Variants in PLCB4 observed in about 807,000 individuals in gnomAD.
The protein encoded by PLCB4 is 1-phosphatidylinositol 4,5-bisphosphate phosphodiesterase beta-4.
Under a neutral mutation model 178.8 loss-of-function variants are expected in PLCB4, and 77 were observed. The observed-to-expected ratio is 0.43, with a 90% CI of 0.36 to 0.52. PLCB4 has a LOEUF of 0.52. Ranked by LOEUF, PLCB4 falls within the 20% of genes least tolerant of loss-of-function variation. The pLI is 0.00. For synonymous variants in PLCB4, 496 were observed against 490.8 expected (o/e 1.01, Z -0.14); for missense variants, 1,024 against 1,453.4 (o/e 0.70, Z 4.80).
At chr20:9,273,539 A>G (rs973026506) in intron 3 of PLCB4, among the ~76,000 whole-genome samples, 7 of 152,018 alleles carry the variant, frequency 4.6e-5, no homozygotes, top group African/African-American at 1.4e-4. Flanking sequence ...TGGGTTAGAG[A>G]AGGGTCCCAG....
chr20:9,203,040 TAA>T lies in PLCB4; in HGVS notation c.-78-14334_-78-14333del, dbSNP rs58109957. ...CAGATGGTTGACCAGTTGTCTTTGG[TAA>T]AAAAAAAAAAAAAAATATATATATA... On this transcript the variant is annotated intron_variant, in intron 2 of 39. Transcript: ENST00000378473. Among the ~76,000 whole-genome samples, 515 of 111,478 alleles carry T rather than the reference TAA, an allele frequency of 4.6e-3. 2 individuals are homozygous for T. The highest frequency in any genetic ancestry group is 9.0e-3 in the Admixed American group (97 of 10,770). The allele number at this position is 111,478 out of a possible 152,430, so 73.1% of individuals were successfully genotyped here. A position where few individuals can be genotyped will look rare whatever the true frequency, so the allele number is the denominator to read the frequency against.
At chr20:9,448,165 C>G (rs1037090420) in intron 32 of PLCB4, among the ~76,000 whole-genome samples, 1 of 152,164 alleles carries the variant, frequency 6.6e-6, no homozygotes, top group African/African-American at 2.4e-5. Context: ...AGAAACCCCA[C>G]TAATCGCCTG....
intron 22 of PLCB4, 111 bp downstream of exon 22, chr20:9,408,169 TC>T (rs1405377517): frequency 2.3e-6 from 2 of 857,798 alleles, no homozygotes; most frequent in African/African-American, 3.4e-5. Flanking sequence ...TGGGGGCTGT[TC>T]CACCTCACCT....
At chr20:9,371,132 C>A in intron 9 of PLCB4, 82 bp from the exon 10 acceptor site, 1 of 877,390 alleles carries the variant, frequency 1.1e-6, no homozygotes, top group Non-Finnish European at 2.0e-6. Flanking sequence ...TCTCACTCTC[C>A]ATAGTAGGAC....
In PLCB4 at chr20:9,145,662, A is replaced by C. The variant is rs553002128; in HGVS notation, c.-79+49320A>C. Among the ~76,000 whole-genome samples, 4 of 152,178 alleles carry C rather than the reference A, an allele frequency of 2.6e-5. No homozygotes were observed. The South Asian group carries it at 8.3e-4, about 32-fold the overall frequency. On this transcript the variant is annotated intron_variant, in intron 2 of 39. Coordinates refer to ENST00000378473, the MANE Select transcript of PLCB4 (RefSeq NM_001377142.1). ...TTCCCATTCGTTCATTTCATCTTCC[A>C]TCTATCCATTTATCTTTCCATTCAC...
At chr20:9,390,967 G>C (rs1230034913) in intron 17 of PLCB4, among the ~76,000 whole-genome samples, 1 of 152,094 alleles carries the variant, frequency 6.6e-6, no homozygotes, top group South Asian at 2.1e-4. Context: ...GGCCCCACTT[G>C]GAGACTGATT....
At chr20:9,157,189 C>T (rs773723567) in intron 2 of PLCB4, among the ~76,000 whole-genome samples, 1 of 151,092 alleles carries the variant, frequency 6.6e-6, no homozygotes, top group Non-Finnish European at 1.5e-5. Context: ...GAGGAATTCC[C>T]CTGGAAGCCA....
intron 2 of PLCB4, among the ~76,000 whole-genome samples, chr20:9,102,453 A>G (rs920674564): frequency 2.6e-5 from 4 of 152,220 alleles, no homozygotes; most frequent in African/African-American, 7.2e-5. Flanking sequence ...TTGGCATGAC[A>G]TGTAAATGAT....
At chr20:9,461,416 G>T (rs2043382294) in intron 35 of PLCB4, among the ~76,000 whole-genome samples, 1 of 152,196 alleles carries the variant, frequency 6.6e-6, no homozygotes, top group Non-Finnish European at 1.5e-5. Context: ...TGGACAGTGG[G>T]TGCAGCCCAA....
chr20:9,467,786 C>T (rs2043895776), intron 35 of PLCB4, among the ~76,000 whole-genome samples: 2 of 152,164 alleles, frequency 1.3e-5, no homozygotes, highest in African/African-American at 4.8e-5. Context: ...GAGCAAATAG[C>T]AGTGCCTAGG....
chr20:9,238,287 T>C (rs2094016337), intron 3 of PLCB4, among the ~76,000 whole-genome samples: 1 of 152,214 alleles, frequency 6.6e-6, no homozygotes, highest in African/African-American at 2.4e-5. Flanking sequence ...AAACATCTCA[T>C]GGCCCATGAA....
Position 9,094,319 on chromosome 20 carries a change from TC to T in PLCB4, c.-134-1967del, listed in dbSNP as rs528449071. ...GGCTTTGGAATATTGAAATAAATAT[TC>T]AAAGCCATTTTTATAATTTTTTTAA... On this transcript the variant is annotated intron_variant, in intron 1 of 39. Coordinates refer to ENST00000378473, the MANE Select transcript of PLCB4 (RefSeq NM_001377142.1). Among the ~76,000 whole-genome samples, 528 of 152,282 alleles carry T rather than the reference TC, an allele frequency of 3.5e-3. 5 individuals carry two copies. The highest frequency in any genetic ancestry group is 3.3e-3 in the Non-Finnish European group (223 of 68,000).
chr20:9,284,320 C>G lies in PLCB4; in HGVS notation c.-15-23480C>G, dbSNP rs192245483. Among the ~76,000 whole-genome samples, 3 of 151,906 alleles carry G rather than the reference C, an allele frequency of 2.0e-5. No homozygotes were observed. The East Asian group carries it at 5.8e-4, about 30-fold the overall frequency. ...CTGAGGTAATGGTAAATGCAAAGGC[C>G]CTGAGGCAGAATTGCAAGTGGCCTC... On this transcript the variant is annotated intron_variant, in intron 3 of 39. Coordinates refer to ENST00000378473, the MANE Select transcript of PLCB4 (RefSeq NM_001377142.1).
chr20:9,090,747 A>G (rs559262200), intron 1 of PLCB4, among the ~76,000 whole-genome samples: 119 of 152,162 alleles, frequency 7.8e-4, no homozygotes, highest in African/African-American at 2.8e-3. Flanking sequence ...TGGTGATTCT[A>G]TTTCTTCTCC....
At chr20:9,225,063 G>T (rs1005703167) in intron 3 of PLCB4, among the ~76,000 whole-genome samples, 2 of 152,138 alleles carry the variant, frequency 1.3e-5, no homozygotes, top group Middle Eastern at 3.2e-3. Flanking sequence ...CTATGAAATG[G>T]ATTAAAAAAT....
In PLCB4 at chr20:9,088,847, G is replaced by GTA. The variant is rs200030166; in HGVS notation, c.-134-7432_-134-7431dup. Among the ~76,000 whole-genome samples the GTA allele has an allele frequency of 5.6e-3, 857 of 152,032 alleles. 7 individuals are homozygous for GTA. The highest frequency in any genetic ancestry group is 0.02 in the African/African-American group (823 of 41,452). ...AGATCATATAGGTATATTCATAAATGTATATATATGTAAATGTGTACTTTT... is the reference window on the plus strand; with the variant it reads ...AGATCATATAGGTATATTCATAAATGTATATATATATGTAAATGTGTACTTTT... On this transcript the variant is annotated intron_variant, in intron 1 of 39. Transcript: ENST00000378473.
intron 4 of PLCB4, among the ~76,000 whole-genome samples, chr20:9,311,464 A>C (rs1336005554): frequency 6.6e-6 from 1 of 152,192 alleles, no homozygotes; most frequent in African/African-American, 2.4e-5. Context: ...AATAAGTTTC[A>C]TTAGCCAGCC....
At chr20:9,275,901 A>C (rs2094446591) in intron 3 of PLCB4, among the ~76,000 whole-genome samples, 1 of 152,068 alleles carries the variant, frequency 6.6e-6, no homozygotes, top group Non-Finnish European at 1.5e-5. Flanking sequence ...ATACTTGTCC[A>C]GTGCTGTACA....
At chr20:9,477,187 C>T (rs1409298691) in intron 39 of PLCB4, among the ~76,000 whole-genome samples, 2 of 152,112 alleles carry the variant, frequency 1.3e-5, no homozygotes, top group Non-Finnish European at 2.9e-5. Context: ...CATGTAGAAA[C>T]CTTACACGAT....
Sources: allele counts gnomAD v4.1 joint callset (sites outside exome capture counted in the v4.1 genomes callset), GRCh38; gene constraint gnomAD v4.1.1; transcripts MANE v1.5; gene names NCBI Gene and HGNC (gene_info 2026-07-23, HGNC 2026-07-21).